DNAH17: variants seen among roughly 807,000 people sequenced by gnomAD.
DNAH17 encodes the protein dynein axonemal heavy chain 17.
Under a neutral mutation model 485.6 loss-of-function variants are expected in DNAH17, and 376 were observed. The ratio of observed to expected loss-of-function variants is 0.77; its 90% CI spans 0.71 to 0.84. DNAH17 has a LOEUF of 0.84. Ranked by LOEUF, DNAH17 falls within the 40% of genes least tolerant of loss-of-function variation. The pLI, the probability that DNAH17 is intolerant of heterozygous loss-of-function variation, is 0.00. For synonymous variants in DNAH17, 3,031 were observed against 2,405.9 expected, an observed-to-expected ratio of 1.26 and a Z score of -7.60; for missense variants, 6,370 against 5,839.3, an observed-to-expected ratio of 1.09 and a Z score of -2.96.
At position 78,459,936 on chromosome 17, in the gene DNAH17, G is replaced by A. The variant is rs758940492; in HGVS notation, c.9501C>T (p.Ala3167=). The part of the protein sequence containing the change: ...PPDAVVNVTA[A]VMILTAPGGK... ...CCCCAGGTGCGGTCAGAATCATGACGGCGGCGGTGACGTTGACCACAGCAT... is the reference window on the plus strand; with the variant it reads ...CCCCAGGTGCGGTCAGAATCATGACAGCGGCGGTGACGTTGACCACAGCAT... Residue 3167 remains alanine, a synonymous_variant, in exon 60 of 81, where the codon GCC becomes GCT. Transcript: ENST00000389840. The A allele has an allele frequency of 4.1e-5, 66 of 1,613,704 alleles. No individual in the cohort carries two copies. Among genetic ancestry groups the A allele is most frequent in the East Asian group, 2.0e-4 (9 of 44,900 alleles).
chr17:78,485,182 C>A (rs936870027), intron 47 of DNAH17, 149 bp from the exon 48 acceptor site: 99 of 1,025,922 alleles, frequency 9.6e-5, no homozygotes, highest in Non-Finnish European at 1.3e-4. Context: ...CTGGGAGTGG[C>A]CCTTGAGGGG....
intron 75 of DNAH17, among the ~76,000 whole-genome samples, chr17:78,430,747 A>T (rs2086643196): frequency 6.6e-6 from 1 of 151,906 alleles, no homozygotes; most frequent in African/African-American, 2.4e-5. Flanking sequence ...TAGCCAGCTA[A>T]TATTTTGGAT....
rs566688992 is a variant in DNAH17, at chr17:78,510,706, A to C, written c.4114-200T>G. Reference sequence around the variant, plus strand: ...TCCAAGCCTCACCTTCCTTCCCTGTAAAACCGCATAAGAGCAGAACGCACC... The same window carrying C: ...TCCAAGCCTCACCTTCCTTCCCTGTCAAACCGCATAAGAGCAGAACGCACC... On this transcript the variant is annotated intron_variant, in intron 26 of 80. Coordinates refer to ENST00000389840, the MANE Select transcript of DNAH17 (RefSeq NM_173628.4). 4 of 647,192 alleles carry C rather than the reference A, an allele frequency of 6.2e-6. No individual in the cohort carries two copies. In the South Asian group the frequency reaches 7.8e-5, roughly 13 times the overall value. The allele number at this position is 647,192 out of a possible 1,614,324, so 40.1% of individuals were successfully genotyped here. A position where few individuals can be genotyped will look rare whatever the true frequency, so the allele number is the denominator to read the frequency against.
Position 78,475,787 on chromosome 17 carries a change from T to C in DNAH17, c.8201A>G (p.His2734Arg). ...GGGATCGCCAATCCCTTGAGCAAAG[T>C]GGCAGAAGATATTTGGCTTGGCAAA... ...LLFAKPNIFCHFAQGIGDPKY... is the reference protein window; with the variant it reads ...LLFAKPNIFCRFAQGIGDPKY... Residue 2734 changes from histidine to arginine, a missense_variant, in exon 53 of 81, where the codon CAC (histidine) becomes CGC (arginine). Coordinates refer to ENST00000389840, the MANE Select transcript of DNAH17 (RefSeq NM_173628.4). 1 of 1,613,788 alleles carries C rather than the reference T, an allele frequency of 6.2e-7. No individual in the cohort carries two copies.
intron 36 of DNAH17, chr17:78,500,088 C>T (rs181351504): frequency 5.7e-4 from 307 of 538,522 alleles, no homozygotes; most frequent in Non-Finnish European, 8.1e-5. Flanking sequence ...TGGGGCAGGA[C>T]ATTTGGGGCT....
At chr17:78,444,831 C>T (rs1271916792) in intron 70 of DNAH17, 34 bp from the exon 71 acceptor site, 2 of 1,531,574 alleles carry the variant, frequency 1.3e-6, no homozygotes, top group East Asian at 4.6e-5. Flanking sequence ...TGTGACTCTT[C>T]CCACTTACCC....
chr17:78,436,674 TC>T (rs2086858901), intron 74 of DNAH17, among the ~76,000 whole-genome samples: 1 of 151,830 alleles, frequency 6.6e-6, no homozygotes, highest in Non-Finnish European at 1.5e-5. Context: ...CGAAATCTCA[TC>T]TCTACCAAAA....
Position 78,539,844 on chromosome 17 carries a change from G to C in DNAH17, c.2569C>G (p.Leu857Val), listed in dbSNP as rs1430358807. The C allele has an allele frequency of 6.2e-7, 1 of 1,609,924 alleles. No individual in the cohort carries two copies. Among genetic ancestry groups the C allele is most frequent in the African/African-American group, 1.3e-5 (1 of 74,782 alleles). The change falls in exon 18 of 81, where the codon CTG becomes GTG. Residue 857 changes from leucine (L) to valine (V), a missense_variant. Physicochemically the swap from Leu to Val is conservative, Grantham distance 32. Coordinates refer to ENST00000389840, the MANE Select transcript of DNAH17 (RefSeq NM_173628.4). Reference protein sequence around the residue: ...AELFRADTLSLPWKDYVIYID... With the variant: ...AELFRADTLSVPWKDYVIYID... ...TAGATGACATAATCCTTCCAGGGCAGGCTCAGTGTGTCTGCCCTGAATAGT... is the reference window on the plus strand; with the variant it reads ...TAGATGACATAATCCTTCCAGGGCACGCTCAGTGTGTCTGCCCTGAATAGT...
At chr17:78,440,974 T>C in intron 72 of DNAH17, 77 bp downstream of exon 72, 1 of 1,525,224 alleles carries the variant, frequency 6.6e-7, no homozygotes, top group East Asian at 2.5e-5. Context: ...CATGTGCTTT[T>C]GGTGTGCATT....
chr17:78,489,860 C>CGGAT (rs1048173421), intron 44 of DNAH17: 5 of 126,952 alleles, frequency 3.9e-5, no homozygotes, highest in African/African-American at 1.2e-4. Flanking sequence ...GGTGGGTGGG[C>CGGAT]GGATGGATGG....
Position 78,425,378 on chromosome 17 carries a change from T to C in DNAH17, c.13109A>G (p.Glu4370Gly). 6.2e-7 allele frequency: 1 copy of C among 1,613,964 alleles called. No individual in the cohort carries two copies. The highest frequency in any genetic ancestry group is 8.5e-7 in the Non-Finnish European group (1 of 1,179,882). Residue 4370 changes from glutamate (E) to glycine (G), a missense_variant, in exon 80 of 81, where the codon GAG becomes GGG. Coordinates refer to ENST00000389840, the MANE Select transcript of DNAH17 (RefSeq NM_173628.4). ...GAAGAGTCCGTACACGTAGGAGCCC[T>C]CTCGCGGAGGAGCGGTCATGTCCTC... ...NREDMTAPPR[E>G]GSYVYGLFME...
chr17:78,516,966 T>G (rs1224429800), intron 25 of DNAH17, among the ~76,000 whole-genome samples: 1 of 152,254 alleles, frequency 6.6e-6, no homozygotes, highest in East Asian at 1.9e-4. Flanking sequence ...GAGATTAATT[T>G]TCCTCAAATG....
In DNAH17 at chr17:78,572,874, GTTTAACA is replaced by G. The variant is rs2092379989; in HGVS notation, c.359_365del (p.Leu120ProfsTer18). Reference sequence around the variant, plus strand: ...GCCATCCAGCCATGTTCTCACTTTGGTTTAACAGAGAAGAGAGGACCTAAAAGGAAAC... The same window carrying G: ...GCCATCCAGCCATGTTCTCACTTTGGGAGAAGAGAGGACCTAAAAGGAAAC... On this transcript the variant is annotated frameshift_variant, in exon 3 of 81. Coordinates refer to ENST00000389840, the MANE Select transcript of DNAH17 (RefSeq NM_173628.4). LOFTEE classifies it high-confidence loss of function. 1 of 1,613,716 alleles carries G rather than the reference GTTTAACA, an allele frequency of 6.2e-7. No individual in the cohort carries two copies. The highest frequency in any genetic ancestry group is 1.7e-5 in the Admixed American group (1 of 59,978).
At chr17:78,541,448 A>G (rs1168618760) in intron 17 of DNAH17, among the ~76,000 whole-genome samples, 1 of 151,464 alleles carries the variant, frequency 6.6e-6, no homozygotes, top group Non-Finnish European at 1.5e-5. Flanking sequence ...TAAGTGCTAT[A>G]GGGAAACTCA....
intron 38 of DNAH17, 25 bp from the exon 39 acceptor site, chr17:78,495,122 G>A: frequency 1.3e-6 from 2 of 1,577,824 alleles, no homozygotes; most frequent in Non-Finnish European, 1.7e-6. Flanking sequence ...GGTGCCTGTG[G>A]GCTTCTGCCC....
At position 78,492,741 on chromosome 17, in the gene DNAH17, A is replaced by G. The variant is rs1409834492; in HGVS notation, c.6433T>C (p.Tyr2145His). Residue 2145 changes from tyrosine to histidine, a missense_variant, in exon 42 of 81, where the codon TAT becomes CAT. Transcript: ENST00000389840. ...SQVLKSLNKTYQNLKRKPVAV... is the reference protein window; with the variant it reads ...SQVLKSLNKTHQNLKRKPVAV... The stretch of plus-strand genomic sequence containing the variant: ...ACCGGCTTCCTCTTCAGGTTCTGAT[A>G]GGTCTTGTTGAGGGATTTGAGGACC... 1 of 1,609,716 alleles carries G rather than the reference A, an allele frequency of 6.2e-7. No individual in the cohort carries two copies. Among genetic ancestry groups the G allele is most frequent in the East Asian group, 2.2e-5 (1 of 44,596 alleles).
chr17:78,450,628 G>A, intron 67 of DNAH17, 54 bp downstream of exon 67: 1 of 1,577,030 alleles, frequency 6.3e-7, no homozygotes. Flanking sequence ...GATCGCCCGT[G>A]GCCCAGCCTC....
Position 78,551,554 on chromosome 17 carries a change from C to T in DNAH17, c.2372G>A (p.Gly791Glu), listed in dbSNP as rs61740096. ...RMQKAKQNIE[G>E]ISQAMKDWSA... ...GCTTACCTTCATAGCCTGGGAAATT[C>T]CTTCTATATTTTGTTTTGCCTTTTG... Residue 791 changes from glycine (G) to glutamate (E), a missense_variant, in exon 16 of 81, where the codon GGA becomes GAA. By Grantham distance (98) the Gly-to-Glu change is moderately conservative. Transcript: ENST00000389840. 6.2e-7 allele frequency: 1 copy of T among 1,613,992 alleles called. No individual in the cohort carries two copies. The highest frequency in any genetic ancestry group is 8.5e-7 in the Non-Finnish European group (1 of 1,179,864).
At position 78,435,870 on chromosome 17, in the gene DNAH17, G is replaced by T. The variant is rs74001326; in HGVS notation, c.12034-1650C>A. 3.5e-3 allele frequency among the ~76,000 whole-genome samples: 534 copies of T among 152,306 alleles called. 1 individual carries two copies. The highest frequency in any genetic ancestry group is 0.012 in the African/African-American group (516 of 41,550). On this transcript the variant is annotated intron_variant, in intron 74 of 80. Coordinates refer to ENST00000389840, the MANE Select transcript of DNAH17 (RefSeq NM_173628.4). The stretch of plus-strand genomic sequence containing the variant: ...ACGTATCCTCGCGCCCCTCAGCAGG[G>T]TGCAGGCCAAGGCAGGAGGCGTGTG...
Sources: allele counts gnomAD v4.1 joint callset (sites outside exome capture counted in the v4.1 genomes callset), GRCh38; gene constraint gnomAD v4.1.1; transcripts MANE v1.5; gene names NCBI Gene and HGNC (gene_info 2026-07-23, HGNC 2026-07-21).